GUCY1A2: variants seen among roughly 807,000 people sequenced by gnomAD.
The protein encoded by GUCY1A2 is guanylate cyclase 1 soluble subunit alpha 2, also known as guanylate cyclase soluble subunit alpha-2.
A neutral mutation model predicts 63.5 loss-of-function variants in GUCY1A2; 27 were observed. The observed-to-expected ratio is 0.43, with a 90% CI of 0.31 to 0.59. The LOEUF (loss-of-function observed/expected upper bound fraction) is 0.59, where lower values mean the gene tolerates loss of function less well. GUCY1A2 is among the 20% of genes least tolerant of loss of function. GUCY1A2 has a pLI of 0.11. For missense variants in GUCY1A2, 768 were observed against 913.3 expected, an observed-to-expected ratio of 0.84 and a Z score of 2.05; for synonymous variants, 364 against 343.5, an observed-to-expected ratio of 1.06 and a Z score of -0.66.
chr11:106,965,266 C>T (rs1288321717), intron 3 of GUCY1A2, among the ~76,000 whole-genome samples: 2 of 152,096 alleles, frequency 1.3e-5, no homozygotes, highest in Non-Finnish European at 2.9e-5. Context: ...AAAGTACTTA[C>T]ACTCTGGGTC....
chr11:106,770,521 C>G (rs1864237860), intron 6 of GUCY1A2, among the ~76,000 whole-genome samples: 2 of 151,856 alleles, frequency 1.3e-5, no homozygotes, highest in South Asian at 4.2e-4. Context: ...TTTCCAAAAC[C>G]CAAATCCCTC....
At chr11:107,015,585 A>C (rs1382536614) in intron 1 of GUCY1A2, among the ~76,000 whole-genome samples, 10 of 148,918 alleles carry the variant, frequency 6.7e-5, no homozygotes, top group African/African-American at 1.7e-4. Context: ...AAAAAAAAAA[A>C]AAAAAAAAAA....
intron 4 of GUCY1A2, among the ~76,000 whole-genome samples, chr11:106,908,403 T>C (rs1015690837): frequency 6.6e-6 from 1 of 151,998 alleles, no homozygotes; most frequent in African/African-American, 2.4e-5. Context: ...TAAAAAGATA[T>C]ATAGGCACAA....
chr11:106,911,487 CA>C (rs1319160664), intron 4 of GUCY1A2, among the ~76,000 whole-genome samples: 8 of 152,064 alleles, frequency 5.3e-5, no homozygotes, highest in African/African-American at 1.2e-4. Flanking sequence ...AAGAAATAAA[CA>C]ATAAACAGAA....
intron 4 of GUCY1A2, among the ~76,000 whole-genome samples, chr11:106,935,156 T>C (rs565009092): frequency 5.3e-5 from 8 of 152,290 alleles, no homozygotes; most frequent in African/African-American, 1.4e-4. Flanking sequence ...GTCCAAGGCA[T>C]ATTTTAGGAA....
chr11:107,010,092 G>C (rs1466494782), intron 1 of GUCY1A2, among the ~76,000 whole-genome samples: 1 of 151,922 alleles, frequency 6.6e-6, no homozygotes, highest in Non-Finnish European at 1.5e-5. Flanking sequence ...AGCCTGCTCT[G>C]GAAGTGATTT....
chr11:106,944,311 TG>T (rs11285942), intron 3 of GUCY1A2, among the ~76,000 whole-genome samples: 86,660 of 145,318 alleles, frequency 0.6, 26,145 homozygotes, highest in Non-Finnish European at 0.67. Flanking sequence ...CCAGGCATAG[TG>T]GTGCAGGCCC....
At chr11:106,890,480 G>T (rs908166359) in intron 4 of GUCY1A2, among the ~76,000 whole-genome samples, 1 of 152,164 alleles carries the variant, frequency 6.6e-6, no homozygotes. Context: ...TAGTCAAGAA[G>T]GCTCAGTAAA....
intron 4 of GUCY1A2, among the ~76,000 whole-genome samples, chr11:106,849,035 G>A: frequency 6.6e-6 from 1 of 151,574 alleles, no homozygotes; most frequent in East Asian, 1.9e-4. Context: ...GATGAGCCCT[G>A]TAAGATTGTA....
intron 1 of GUCY1A2, among the ~76,000 whole-genome samples, chr11:107,017,462 G>A (rs1405285091): frequency 6.6e-6 from 1 of 152,176 alleles, no homozygotes; most frequent in African/African-American, 2.4e-5. Context: ...TGTCCAGGGG[G>A]AACAGTGGTG....
rs1861827724 is a variant in GUCY1A2, at chr11:107,016,660, A to G, written c.303+1093T>C. 3.3e-5 allele frequency among the ~76,000 whole-genome samples: 5 copies of G among 152,380 alleles called. 1 individual carries two copies. The South Asian group carries it at 8.3e-4, about 25-fold the overall frequency. On this transcript the variant is annotated intron_variant, in intron 1 of 7. Coordinates refer to ENST00000526355, the MANE Select transcript of GUCY1A2 (RefSeq NM_000855.3). ...GCCACCAAAAAATGAGAGAGAAAGC[A>G]CTAGAGAATCAATTGAAGAGAGAGT...
At chr11:106,769,256 T>TACAATCATTA (rs1482421270) in intron 6 of GUCY1A2, among the ~76,000 whole-genome samples, 1 of 152,132 alleles carries the variant, frequency 6.6e-6, no homozygotes, top group Non-Finnish European at 1.5e-5. Context: ...GAGAAGCATT[T>TACAATCATTA]ACAATCATTA....
At chr11:106,932,582 G>C (rs1860617904) in intron 4 of GUCY1A2, among the ~76,000 whole-genome samples, 1 of 151,940 alleles carries the variant, frequency 6.6e-6, no homozygotes, top group African/African-American at 2.4e-5. Context: ...TTCCTATCAA[G>C]ATACCATCAT....
intron 4 of GUCY1A2, among the ~76,000 whole-genome samples, chr11:106,919,485 C>T (rs116990290): frequency 0.013 from 1,940 of 152,116 alleles, 26 homozygotes; most frequent in South Asian, 0.048. Context: ...TCACATCATA[C>T]ACCTTAAATT....
intron 6 of GUCY1A2, among the ~76,000 whole-genome samples, chr11:106,722,317 A>G (rs1863330552): frequency 6.6e-6 from 1 of 151,900 alleles, no homozygotes; most frequent in South Asian, 2.1e-4. Context: ...CTGATAAAGT[A>G]ATCTCAGACT....
chr11:106,720,533 T>C (rs1240612955), intron 6 of GUCY1A2, among the ~76,000 whole-genome samples: 1 of 152,186 alleles, frequency 6.6e-6, no homozygotes, highest in South Asian at 2.1e-4. Flanking sequence ...CCCTTTTTTT[T>C]CATTATTAGA....
intron 4 of GUCY1A2, among the ~76,000 whole-genome samples, chr11:106,830,044 T>G (rs1243178325): frequency 6.6e-6 from 1 of 152,044 alleles, no homozygotes; most frequent in African/African-American, 2.4e-5. Context: ...AAATGAGGAG[T>G]GTAATTGTCA....
intron 6 of GUCY1A2, among the ~76,000 whole-genome samples, chr11:106,775,772 C>T (rs929763729): frequency 5.0e-5 from 7 of 140,528 alleles, no homozygotes; most frequent in African/African-American, 1.8e-4. Flanking sequence ...GTTTACTTCC[C>T]CAAATATAAG....
At chr11:106,772,810 G>T (rs567244931) in intron 6 of GUCY1A2, among the ~76,000 whole-genome samples, 47 of 152,072 alleles carry the variant, frequency 3.1e-4, no homozygotes, top group Non-Finnish European at 6.2e-4. Context: ...CCAGCTGGTA[G>T]GCTTGAAAAT....
Sources: allele counts gnomAD v4.1 joint callset (sites outside exome capture counted in the v4.1 genomes callset), GRCh38; gene constraint gnomAD v4.1.1; transcripts MANE v1.5; gene names NCBI Gene and HGNC (gene_info 2026-07-23, HGNC 2026-07-21).